Variants in PHYHIPL observed in about 807,000 individuals in gnomAD.
PHYHIPL encodes the protein phytanoyl-CoA 2-hydroxylase interacting protein like.
Under a neutral mutation model 33.4 loss-of-function variants are expected in PHYHIPL, and 9 were observed. That is an observed-to-expected ratio of 0.27 (90% confidence interval 0.16 to 0.47). The LOEUF (loss-of-function observed/expected upper bound fraction) is 0.47. PHYHIPL is among the 20% of genes least tolerant of loss of function. The pLI, the probability that PHYHIPL is intolerant of heterozygous loss-of-function variation, is 0.99. For missense variants in PHYHIPL, 365 were observed against 460.7 expected (o/e 0.79, Z 1.90); for synonymous variants, 153 against 154.1 (o/e 0.99, Z 0.05).
intron 4 of PHYHIPL, among the ~76,000 whole-genome samples, chr10:59,244,393 G>A (rs575805533): frequency 4.6e-5 from 7 of 151,726 alleles, no homozygotes; most frequent in African/African-American, 7.2e-5. Context: ...GTGAAACCCC[G>A]TCTGTAGTAA....
chr10:59,190,734 T>G (rs1246420869), intron 1 of PHYHIPL, among the ~76,000 whole-genome samples: 1 of 151,858 alleles, frequency 6.6e-6, no homozygotes, highest in African/African-American at 2.4e-5. Context: ...AAGATACTTA[T>G]CAGAGTTTTT....
At chr10:59,238,777 G>T (rs762992683) in intron 4 of PHYHIPL, 72 bp downstream of exon 4, 9 of 926,946 alleles carry the variant, frequency 9.7e-6, no homozygotes, top group Non-Finnish European at 1.5e-5. Flanking sequence ...GGTTTCCCTT[G>T]ACTCTAGTTT....
intron 1 of PHYHIPL, among the ~76,000 whole-genome samples, chr10:59,202,293 T>C (rs949988605): frequency 6.6e-6 from 1 of 152,114 alleles, no homozygotes; most frequent in Admixed American, 6.6e-5. Context: ...CCGTTATGCA[T>C]ATATTATCCA....
rs536434079 is a variant in PHYHIPL at position 59,203,239 on chromosome 10, A to G, written c.106+26280A>G. On this transcript the variant is annotated intron_variant, in intron 1 of 4. Coordinates refer to ENST00000373880, the MANE Select transcript of PHYHIPL (RefSeq NM_032439.4). ...GAGATACCATCTCACACCAGTTAGA[A>G]TGGTGATCATTAAAAAGCCAGGAAA... 2.0e-5 allele frequency among the ~76,000 whole-genome samples: 3 copies of G among 152,328 alleles called. No individual in the cohort carries two copies. In the South Asian group the frequency reaches 6.2e-4, roughly 32 times the overall value.
intron 1 of PHYHIPL, among the ~76,000 whole-genome samples, chr10:59,224,735 T>G (rs1384190903): frequency 3.3e-5 from 5 of 152,172 alleles, no homozygotes. Context: ...AAATATAATT[T>G]TTCAAATTAC....
intron 1 of PHYHIPL, among the ~76,000 whole-genome samples, chr10:59,201,528 T>C (rs1839116710): frequency 6.6e-6 from 1 of 152,178 alleles, no homozygotes; most frequent in African/African-American, 2.4e-5. Context: ...GAAGAATGTA[T>C]ATTCTGTTGA....
upstream of PHYHIPL, among the ~76,000 whole-genome samples, chr10:59,175,356 C>T (rs1337453971): frequency 6.6e-6 from 1 of 152,112 alleles, no homozygotes; most frequent in Non-Finnish European, 1.5e-5. Context: ...TTAAGCTGGT[C>T]CTTCCATTTA....
chr10:59,211,512 G>A (rs1254010410), intron 1 of PHYHIPL, among the ~76,000 whole-genome samples: 1 of 151,832 alleles, frequency 6.6e-6, no homozygotes, highest in Admixed American at 6.6e-5. Context: ...GAGTAGCTAA[G>A]ATTACAGGTG....
rs1318919000 is a variant in PHYHIPL at position 59,176,836 on chromosome 10, T to A, written c.-18T>A. On this transcript the variant is annotated 5_prime_UTR_variant, in exon 1 of 5. Coordinates refer to ENST00000373880, the MANE Select transcript of PHYHIPL (RefSeq NM_032439.4). ...AGCCTGGATACGAAGCAGGCGGGCT[T>A]CAGAGTGGGTTGGAAAAATGGAGGT... 1 of 1,606,650 alleles carries A rather than the reference T, an allele frequency of 6.2e-7. No homozygotes were observed. The highest frequency in any genetic ancestry group is 2.2e-5 in the East Asian group (1 of 44,476).
chr10:59,178,825 T>C lies in PHYHIPL; in HGVS notation c.106+1866T>C, dbSNP rs1042773518. Among the ~76,000 whole-genome samples the C allele has an allele frequency of 6.6e-5, 10 of 152,140 alleles. 1 individual carries two copies. The highest frequency in any genetic ancestry group is 5.9e-4 in the Admixed American group (9 of 15,266). Reference sequence around the variant, plus strand: ...TTTTATTCTGGTATTATTTTTTAGTTGTTTCTTTTCAAATTAGGAATCCCA... The same window carrying C: ...TTTTATTCTGGTATTATTTTTTAGTCGTTTCTTTTCAAATTAGGAATCCCA... On this transcript the variant is annotated intron_variant, in intron 1 of 4. Transcript: ENST00000373880.
chr10:59,235,853 A>G, intron 2 of PHYHIPL, among the ~76,000 whole-genome samples: 1 of 152,044 alleles, frequency 6.6e-6, no homozygotes, highest in South Asian at 2.1e-4. Context: ...CATAGACTCT[A>G]TATTTGAATG....
chr10:59,188,903 G>A (rs1481789630), intron 1 of PHYHIPL, among the ~76,000 whole-genome samples: 1 of 151,966 alleles, frequency 6.6e-6, no homozygotes, highest in East Asian at 1.9e-4. Context: ...ACACTGACAG[G>A]CCCTAGTTTT....
intron 1 of PHYHIPL, chr10:59,177,272 G>C: frequency 3.3e-6 from 2 of 606,208 alleles, no homozygotes; most frequent in Non-Finnish European, 5.5e-6. Context: ...AGGCGTTTCC[G>C]ATCTTTGCCG....
chr10:59,214,276 G>A (rs1482276375), intron 1 of PHYHIPL, among the ~76,000 whole-genome samples: 1 of 150,474 alleles, frequency 6.6e-6, no homozygotes, highest in African/African-American at 2.4e-5. Context: ...TAACAAGAAA[G>A]ATTGATAAAT....
At chr10:59,183,941 A>T (rs561595138) in intron 1 of PHYHIPL, among the ~76,000 whole-genome samples, 1 of 152,324 alleles carries the variant, frequency 6.6e-6, no homozygotes, top group Non-Finnish European at 1.5e-5. Context: ...AAGGCATAAA[A>T]GATTTTTCAG....
At position 59,245,673 on chromosome 10, in the gene PHYHIPL, T is replaced by A; in HGVS notation, c.*82T>A. On this transcript the variant is annotated 3_prime_UTR_variant, in exon 5 of 5. Coordinates refer to ENST00000373880, the MANE Select transcript of PHYHIPL (RefSeq NM_032439.4). ...TCTGTTGTCCATTTTTATCACCAGATGTTTTCCACTGAAGCATGCACATGC... is the reference window on the plus strand; with the variant it reads ...TCTGTTGTCCATTTTTATCACCAGAAGTTTTCCACTGAAGCATGCACATGC... The A allele has an allele frequency of 7.1e-7, 1 of 1,410,800 alleles. No homozygotes were observed. Among genetic ancestry groups the A allele is most frequent in the South Asian group, 1.4e-5 (1 of 71,534 alleles). The allele number at this position is 1,410,800 out of a possible 1,614,324, so 87.4% of individuals were successfully genotyped here. A position where few individuals can be genotyped will look rare whatever the true frequency, so the allele number is the denominator to read the frequency against.
intron 4 of PHYHIPL, among the ~76,000 whole-genome samples, chr10:59,239,302 A>G (rs947234792): frequency 6.6e-6 from 1 of 152,052 alleles, no homozygotes; most frequent in Non-Finnish European, 1.5e-5. Flanking sequence ...AGCAAGTCAC[A>G]TCTTACATGG....
intron 1 of PHYHIPL, among the ~76,000 whole-genome samples, chr10:59,226,415 G>C (rs1423378411): frequency 6.6e-6 from 1 of 152,072 alleles, no homozygotes; most frequent in Non-Finnish European, 1.5e-5. Context: ...ATACAAGCAA[G>C]AGACAAAAAG....
At position 59,245,354 on chromosome 10, in the gene PHYHIPL, G is replaced by C. The variant is rs775061603; in HGVS notation, c.894G>C (p.Gln298His). 6.2e-7 allele frequency: 1 copy of C among 1,614,146 alleles called. No individual in the cohort carries two copies. The highest frequency in any genetic ancestry group is 8.5e-7 in the Non-Finnish European group (1 of 1,180,024). Residue 298 changes from glutamine to histidine, a missense_variant, in exon 5 of 5, where the codon CAG (glutamine) becomes CAC (histidine). Transcript: ENST00000373880. ...VGSPGDEFCK[Q>H]RLPQLNSKDN... Reference sequence around the variant, plus strand: ...CACCAGGAGATGAATTTTGTAAGCAGCGCCTTCCTCAACTAAATTCTAAGG... The same window carrying C: ...CACCAGGAGATGAATTTTGTAAGCACCGCCTTCCTCAACTAAATTCTAAGG...
Sources: allele counts gnomAD v4.1 joint callset (sites outside exome capture counted in the v4.1 genomes callset), GRCh38; gene constraint gnomAD v4.1.1; transcripts MANE v1.5; gene names NCBI Gene and HGNC (gene_info 2026-07-23, HGNC 2026-07-21).